VASP: variants seen among roughly 807,000 people sequenced by gnomAD.
VASP encodes vasodilator stimulated phosphoprotein.
VASP carries 27 observed loss-of-function variants against 54.4 expected under a neutral mutation model. The ratio of observed to expected loss-of-function variants is 0.50; its 90% CI spans 0.37 to 0.68. The LOEUF (loss-of-function observed/expected upper bound fraction) is 0.68, where lower values mean the gene tolerates loss of function less well. Ranked by LOEUF, VASP falls within the 30% of genes least tolerant of loss-of-function variation. The probability of loss-of-function intolerance (pLI) is 0.00; values close to 1 mark genes in which losing one functional copy is unlikely to be tolerated. For synonymous variants in VASP, 233 were observed against 209.8 expected (o/e 1.11, Z -0.96); for missense variants, 488 against 528.3 (o/e 0.92, Z 0.75).
intron 1 of VASP, 148 bp from the exon 2 acceptor site, chr19:45,517,515 C>A: frequency 1.1e-6 from 1 of 910,222 alleles, no homozygotes; most frequent in Non-Finnish European, 1.6e-6. Flanking sequence ...CCTGATCTGT[C>A]TCCCCCGTCT....
chr19:45,511,026 T>C (rs1968591732), intron 1 of VASP, among the ~76,000 whole-genome samples: 1 of 151,116 alleles, frequency 6.6e-6, no homozygotes, highest in African/African-American at 2.4e-5. Flanking sequence ...GTGAAAACTC[T>C]TAAGATAATT....
rs972539377 is a variant in VASP at position 45,521,364 on chromosome 19, TC to T, written c.389del (p.Pro130ArgfsTer23). The T allele has an allele frequency of 4.4e-6, 7 of 1,582,832 alleles. No homozygotes were observed. The highest frequency in any genetic ancestry group is 2.7e-5 in the African/African-American group (2 of 74,482). On this transcript the variant is annotated frameshift_variant, in exon 4 of 13. Coordinates refer to ENST00000245932, the MANE Select transcript of VASP (RefSeq NM_003370.4). LOFTEE classifies it high-confidence loss of function. ...CCCCCAGCACTTCCCACCTGGTCGGTCCCGAACGGCCCCTCCCCGGAGGAGG... is the reference window on the plus strand; with the variant it reads ...CCCCCAGCACTTCCCACCTGGTCGGTCCGAACGGCCCCTCCCCGGAGGAGG... The part of the protein sequence containing the change: ...PPPPALPTWS[V>X]PNGPSPEEVE...
In VASP at chr19:45,525,966, G is replaced by A. The variant is rs1968955053; in HGVS notation, c.1068G>A (p.Lys356=). The change falls in exon 12 of 13, where the codon AAG becomes AAA. Residue 356 remains lysine (K), a synonymous_variant. Transcript: ENST00000245932. The part of the protein sequence containing the change: ...RVKQELLEEV[K]KELQKVKEEI... ...TTTAGGAGCTTCTGGAAGAGGTGAA[G>A]AAGGAATTGCAGAAAGTGAAAGAGG... 3 of 1,614,124 alleles carry A rather than the reference G, an allele frequency of 1.9e-6. No homozygotes were observed. Among genetic ancestry groups the A allele is most frequent in the Admixed American group, 3.3e-5 (2 of 59,980 alleles).
intron 3 of VASP, among the ~76,000 whole-genome samples, chr19:45,518,369 C>T (rs932050178): frequency 4.6e-5 from 7 of 152,094 alleles, no homozygotes; most frequent in African/African-American, 7.2e-5. Context: ...GGAGTTTCAC[C>T]GTGCCCAACA....
chr19:45,523,738 C>G, intron 8 of VASP, 43 bp downstream of exon 8: 1 of 1,613,854 alleles, frequency 6.2e-7, no homozygotes, highest in Non-Finnish European at 8.5e-7. Context: ...TTAGGCCGTA[C>G]CATGAGGGTA....
intron 8 of VASP, 39 bp downstream of exon 8, chr19:45,523,734 C>T (rs201532151): frequency 5.0e-6 from 8 of 1,613,782 alleles, no homozygotes; most frequent in Admixed American, 3.3e-5. Context: ...TCTCTTAGGC[C>T]GTACCATGAG....
intron 4 of VASP, 89 bp downstream of exon 4, chr19:45,521,495 C>A: frequency 8.3e-7 from 1 of 1,210,442 alleles, no homozygotes; most frequent in Non-Finnish European, 1.1e-6. Flanking sequence ...CAGAACCCAG[C>A]CAACTTGCAG....
intron 1 of VASP, among the ~76,000 whole-genome samples, chr19:45,514,930 A>G (rs1279273124): frequency 1.3e-5 from 2 of 152,212 alleles, no homozygotes; most frequent in African/African-American, 2.4e-5. Context: ...GACTGTGGGC[A>G]AGTCACTCAA....
chr19:45,508,235 C>T (rs376761012), intron 1 of VASP, among the ~76,000 whole-genome samples: 7 of 152,220 alleles, frequency 4.6e-5, no homozygotes, highest in South Asian at 4.1e-4. Context: ...TGTGCAGGTC[C>T]CCCGTTTACT....
rs1488222568 is a variant in VASP, at chr19:45,507,511, G to C, written c.-261G>C. The C allele has an allele frequency of 1.2e-5, 6 of 501,374 alleles. No homozygotes were observed. Among genetic ancestry groups the C allele is most frequent in the East Asian group, 1.1e-4 (3 of 28,112 alleles). 31.1% of individuals were successfully genotyped at this position (501,374 alleles called of 1,614,324 possible). A position where few individuals can be genotyped will look rare whatever the true frequency, so the allele number is the denominator to read the frequency against. On this transcript the variant is annotated 5_prime_UTR_variant, in exon 1 of 13. Transcript: ENST00000245932. This position sits in a 1 kb window ranked among gnomAD's most constrained non-coding sequence, Gnocchi z 4.4. ...TAAGAGTAACACTGTAGCCGCCACCGGCAAGGGGTGCGCGCTGGGGAGCGG... is the reference window on the plus strand; with the variant it reads ...TAAGAGTAACACTGTAGCCGCCACCCGCAAGGGGTGCGCGCTGGGGAGCGG...
intron 1 of VASP, among the ~76,000 whole-genome samples, chr19:45,508,715 G>C (rs554654881): frequency 1.7e-4 from 26 of 152,306 alleles, no homozygotes; most frequent in Non-Finnish European, 7.4e-5. Context: ...TGGGGTTGGA[G>C]GAGGGGGAGC....
At chr19:45,516,473 G>T (rs969334138) in intron 1 of VASP, among the ~76,000 whole-genome samples, 2 of 152,162 alleles carry the variant, frequency 1.3e-5, no homozygotes, top group African/African-American at 4.8e-5. Flanking sequence ...GTGGAGGGGG[G>T]TGCGTAGAGA....
intron 2 of VASP, 30 bp downstream of exon 2, chr19:45,517,864 G>T: frequency 1.9e-6 from 3 of 1,608,490 alleles, no homozygotes; most frequent in Non-Finnish European, 2.5e-6. Flanking sequence ...CCCTCTGTGG[G>T]CTGAACCCCT....
At position 45,522,212 on chromosome 19, in the gene VASP, A is replaced by G. The variant is rs1968852436; in HGVS notation, c.473A>G (p.Asn158Ser). 2.2e-5 allele frequency: 35 copies of G among 1,614,056 alleles called. No individual in the cohort carries two copies. Among genetic ancestry groups the G allele is most frequent in the Non-Finnish European group, 2.9e-5 (34 of 1,180,022 alleles). The change falls in exon 5 of 13, where the codon AAT becomes AGT. Residue 158 changes from asparagine to serine, a missense_variant. By Grantham distance (46) the Asn-to-Ser change is conservative. Coordinates refer to ENST00000245932, the MANE Select transcript of VASP (RefSeq NM_003370.4). ...GAGCACATAGAGCGCCGGGTCTCCA[A>G]TGCAGGTGATGCTCAGATAGCTTCG... ...PSEHIERRVSNAGGPPAPPAG... is the reference protein window; with the variant it reads ...PSEHIERRVSSAGGPPAPPAG...
At chr19:45,508,235 C>A (rs376761012) in intron 1 of VASP, among the ~76,000 whole-genome samples, 2 of 152,104 alleles carry the variant, frequency 1.3e-5, no homozygotes, top group Admixed American at 1.3e-4. Context: ...TGTGCAGGTC[C>A]CCCGTTTACT....
At chr19:45,508,439 T>G (rs902947964) in intron 1 of VASP, among the ~76,000 whole-genome samples, 1 of 152,132 alleles carries the variant, frequency 6.6e-6, no homozygotes, top group Non-Finnish European at 1.5e-5. Flanking sequence ...CACAATCTGC[T>G]TAACTGGCCG....
Position 45,523,934 on chromosome 19 carries a change from T to G in VASP, c.910+57T>G, listed in dbSNP as rs541627679. The stretch of plus-strand genomic sequence containing the variant: ...CTACAAATCCCAGAATACTCTGTTC[T>G]CACATGTTAAGCACCCTTATAGGAG... On this transcript the variant is annotated intron_variant, in intron 9 of 12. Coordinates refer to ENST00000245932, the MANE Select transcript of VASP (RefSeq NM_003370.4). 75 of 1,612,008 alleles carry G rather than the reference T, an allele frequency of 4.7e-5. No individual in the cohort carries two copies. The South Asian group carries it at 6.2e-4, about 13-fold the overall frequency.
intron 1 of VASP, among the ~76,000 whole-genome samples, chr19:45,509,710 G>A (rs1301870829): frequency 6.6e-6 from 1 of 152,212 alleles, no homozygotes; most frequent in Non-Finnish European, 1.5e-5. Flanking sequence ...CCTGCAGGTG[G>A]TCACACCCGA....
chr19:45,508,527 C>T (rs1291774315), intron 1 of VASP, among the ~76,000 whole-genome samples: 1 of 152,062 alleles, frequency 6.6e-6, no homozygotes, highest in Non-Finnish European at 1.5e-5. Context: ...GCTCCCCCAC[C>T]TGCGCGGCCC....
Sources: gnomAD v4.1 joint callset for allele counts (sites outside exome capture counted in the v4.1 genomes callset) on GRCh38, gnomAD v4.1.1 for gene constraint, Gnocchi (gnomAD v3.1) non-coding constraint, MANE v1.5 for transcripts, NCBI Gene and HGNC (gene_info 2026-07-23, HGNC 2026-07-21) for gene names.